N4BP2L2: variants seen among roughly 807,000 people sequenced by gnomAD.
N4BP2L2 encodes the protein NEDD4 binding protein 2 like 2, also known as NEDD4-binding protein 2-like 2.
N4BP2L2 carries 50 observed loss-of-function variants against 56.2 expected under a neutral mutation model. The ratio of observed to expected loss-of-function variants is 0.89; its 90% confidence interval spans 0.71 to 1.13. The LOEUF (loss-of-function observed/expected upper bound fraction) is 1.13. Among genes scored for constraint, N4BP2L2 ranks in the 50% most tolerant of loss-of-function variants. The probability of loss-of-function intolerance (pLI) is 0.00; values close to 1 mark genes in which losing one functional copy is unlikely to be tolerated. For synonymous variants in N4BP2L2, 203 were observed against 223.6 expected, an observed-to-expected ratio of 0.91 and a Z score of 0.82; for missense variants, 689 against 693.8, an observed-to-expected ratio of 0.99 and a Z score of 0.08.
intron 6 of N4BP2L2, among the ~76,000 whole-genome samples, chr13:32,466,677 A>T (rs1480468895): frequency 6.6e-6 from 1 of 152,240 alleles, no homozygotes; most frequent in Non-Finnish European, 1.5e-5. Context: ...GGATCAACAA[A>T]TACAAAACTC....
intron 6 of N4BP2L2, among the ~76,000 whole-genome samples, chr13:32,445,592 G>C (rs1250769143): frequency 6.6e-6 from 1 of 152,196 alleles, no homozygotes; most frequent in East Asian, 1.9e-4. Context: ...GATTGTAGTG[G>C]TTCTAACCAG....
intron 6 of N4BP2L2, among the ~76,000 whole-genome samples, chr13:32,444,661 G>A (rs1289535559): frequency 6.6e-6 from 1 of 152,096 alleles, no homozygotes; most frequent in Non-Finnish European, 1.5e-5. Context: ...AAGCTAATAT[G>A]CATATAATCA....
Position 32,442,866 on chromosome 13 carries a change from C to T in N4BP2L2, c.1626G>A (p.Trp542Ter), listed in dbSNP as rs1441287382. The T allele has an allele frequency of 2.0e-5, 33 of 1,613,314 alleles. No individual in the cohort carries two copies. In the Admixed American group the frequency reaches 4.8e-4, roughly 24 times the overall value. The change falls in exon 7 of 10, where the codon TGG becomes TGA. Residue 542 changes from tryptophan to a stop codon, truncating the protein, a stop_gained. Transcript: ENST00000357505. LOFTEE classifies it high-confidence loss of function. Reference sequence around the variant, plus strand: ...TAGCTTTGATAATATCAAGGTAAAACCACAATGGATGATGATCAAAGGTCA... The same window carrying T: ...TAGCTTTGATAATATCAAGGTAAAATCACAATGGATGATGATCAAAGGTCA...
chr13:32,501,481 T>G (rs776339748), intron 6 of N4BP2L2, among the ~76,000 whole-genome samples: 30 of 151,904 alleles, frequency 2.0e-4, no homozygotes, highest in Non-Finnish European at 3.7e-4. Context: ...CCCAATACAC[T>G]GCTGTGTGAA....
At chr13:32,436,860 CTATCTATTTATT>C (rs771850991) in intron 8 of N4BP2L2, among the ~76,000 whole-genome samples, 34 of 131,642 alleles carry the variant, frequency 2.6e-4, no homozygotes, top group African/African-American at 9.0e-4. Context: ...TATCTAATAT[CTATCTATTTATT>C]TATTTATTTA....
intron 2 of N4BP2L2, among the ~76,000 whole-genome samples, chr13:32,531,703 T>C (rs1199582387): frequency 2.6e-5 from 4 of 152,146 alleles, no homozygotes; most frequent in Non-Finnish European, 5.9e-5. Context: ...AAAAAAAGTC[T>C]CCTCCCATCT....
intron 6 of N4BP2L2, among the ~76,000 whole-genome samples, chr13:32,480,862 T>C (rs1190013346): frequency 6.6e-6 from 1 of 152,014 alleles, no homozygotes; most frequent in Non-Finnish European, 1.5e-5. Flanking sequence ...CTCACACCTA[T>C]AATCCCAGCA....
chr13:32,533,088 T>C (rs979439393), intron 2 of N4BP2L2, among the ~76,000 whole-genome samples: 7 of 152,198 alleles, frequency 4.6e-5, no homozygotes, highest in African/African-American at 9.7e-5. Context: ...ATTTTAACTA[T>C]AGTAGTTTCT....
exon 6 of N4BP2L2, chr13:32,514,906 G>A (rs1310878396): frequency 6.6e-6 from 1 of 151,656 alleles, no homozygotes; most frequent in African/African-American, 2.4e-5. Flanking sequence ...GGGAGGCCAA[G>A]GCAGGCGGAT....
At chr13:32,508,361 C>T (rs539100244), downstream of N4BP2L2, 6 of 152,172 alleles carry the variant, frequency 3.9e-5, no homozygotes, top group South Asian at 1.2e-3. Context: ...ATGGGTCAGA[C>T]TCAGCAAAGA....
rs1033230935 is a variant in N4BP2L2, at chr13:32,449,858, T to A, written c.366-5732A>T. Among the ~76,000 whole-genome samples, 8 of 152,296 alleles carry A rather than the reference T, an allele frequency of 5.3e-5. No individual in the cohort carries two copies. The South Asian group carries it at 1.2e-3, about 24-fold the overall frequency. ...CAGTTGAGTTAGAAGAACTGGAAAA[T>A]TCTCCAAAAATGTAATTTACTTAAT... On this transcript the variant is annotated intron_variant, in intron 6 of 9. Coordinates refer to the N4BP2L2 transcript ENST00000357505.
intron 3 of N4BP2L2, among the ~76,000 whole-genome samples, chr13:32,526,414 G>A (rs2052798718): frequency 6.6e-6 from 1 of 152,152 alleles, no homozygotes; most frequent in Non-Finnish European, 1.5e-5. Context: ...CGGCACTGAA[G>A]TGAAAGATGT....
At chr13:32,530,582 C>A (rs1032675479) in intron 2 of N4BP2L2, among the ~76,000 whole-genome samples, 1 of 152,150 alleles carries the variant, frequency 6.6e-6, no homozygotes, top group African/African-American at 2.4e-5. Context: ...CAATAGCTAT[C>A]TTTTTGAGAG....
chr13:32,437,641 C>T (rs1428957128), intron 8 of N4BP2L2, among the ~76,000 whole-genome samples: 1 of 152,118 alleles, frequency 6.6e-6, no homozygotes, highest in African/African-American at 2.4e-5. Context: ...CACTGTGGAC[C>T]ACAGATCACA....
chr13:32,531,566 A>G (rs2054809894), intron 2 of N4BP2L2, among the ~76,000 whole-genome samples: 1 of 152,136 alleles, frequency 6.6e-6, no homozygotes, highest in African/African-American at 2.4e-5. Context: ...TCCTATCCTG[A>G]GACTACTTTA....
chr13:32,442,283 T>C, intron 7 of N4BP2L2: 1 of 1,019,448 alleles, frequency 9.8e-7, no homozygotes, highest in South Asian at 1.8e-5. Flanking sequence ...CATCACGAGA[T>C]TAATAAACTG....
chr13:32,522,191 A>G (rs1214368767), exon 4 of N4BP2L2: 5 of 1,546,826 alleles, frequency 3.2e-6, no homozygotes, highest in Non-Finnish European at 3.5e-6. Flanking sequence ...CCACTTCCAC[A>G]TATGGCTTCA....
At chr13:32,507,317 T>A (rs1319769529), downstream of N4BP2L2, 1 of 151,662 alleles carries the variant, frequency 6.6e-6, no homozygotes, top group African/African-American at 2.4e-5. Flanking sequence ...CAGACTGGAG[T>A]TCAGAGGAGA....
chr13:32,518,863 A>C (rs187296131), intron 5 of N4BP2L2, among the ~76,000 whole-genome samples: 8 of 152,146 alleles, frequency 5.3e-5, no homozygotes, highest in Non-Finnish European at 1.2e-4. Flanking sequence ...ATGTGAGGTT[A>C]TATGACACTA....
Sources: allele counts gnomAD v4.1 joint callset (sites outside exome capture counted in the v4.1 genomes callset), GRCh38; gene constraint gnomAD v4.1.1; transcripts MANE v1.5; gene names NCBI Gene and HGNC (gene_info 2026-07-23, HGNC 2026-07-21).